Variants in ACOT7 observed in about 807,000 individuals in gnomAD.
ACOT7 encodes cytosolic acyl coenzyme A thioester hydrolase.
A neutral mutation model predicts 40.2 loss-of-function variants in ACOT7; 12 were observed. The ratio of observed to expected loss-of-function variants is 0.30; its 90% confidence interval spans 0.19 to 0.48. The LOEUF is 0.48. ACOT7 is among the 20% of genes least tolerant of loss of function. The pLI, the probability that ACOT7 is intolerant of heterozygous loss-of-function variation, is 0.99. For synonymous variants in ACOT7, 228 were observed against 219.5 expected, an observed-to-expected ratio of 1.04 and a Z score of -0.34; for missense variants, 395 against 530.8, an observed-to-expected ratio of 0.74 and a Z score of 2.51.
intron 6 of ACOT7, among the ~76,000 whole-genome samples, chr1:6,302,833 G>A (rs1055864960): frequency 4.0e-5 from 6 of 151,748 alleles, no homozygotes; most frequent in African/African-American, 1.5e-4. Flanking sequence ...AGAAAGCCAC[G>A]TGCCCATCGT....
At position 6,286,388 on chromosome 1, in the gene ACOT7, C is replaced by A. The variant is rs540609776; in HGVS notation, c.830-5102G>T. Among the ~76,000 whole-genome samples, 26 of 152,224 alleles carry A rather than the reference C, an allele frequency of 1.7e-4. 1 individual carries two copies. The highest frequency in any genetic ancestry group is 5.3e-4 in the African/African-American group (22 of 41,530). On this transcript the variant is annotated intron_variant, in intron 7 of 8. Transcript: ENST00000361521. ...CTGTAGCAGGTACAGCAGCCAGGGC[C>A]CTGATGAAGCCAGATATTCATGACA... is the stretch of plus-strand genomic sequence containing the variant.
chr1:6,366,041 C>T (rs1358686049), intron 1 of ACOT7, among the ~76,000 whole-genome samples: 7 of 151,626 alleles, frequency 4.6e-5, no homozygotes, highest in Non-Finnish European at 5.9e-5. Context: ...ATTACAGGCA[C>T]GCGTCACCAC....
At chr1:6,318,359 T>G in intron 6 of ACOT7, 133 bp downstream of exon 6, 2 of 993,718 alleles carry the variant, frequency 2.0e-6, no homozygotes, top group Non-Finnish European at 3.0e-6. Flanking sequence ...CCTGGCCTAT[T>G]GTACAACTTC....
At chr1:6,343,643 G>A (rs1465320448) in intron 2 of ACOT7, among the ~76,000 whole-genome samples, 3 of 152,290 alleles carry the variant, frequency 2.0e-5, no homozygotes, top group Non-Finnish European at 4.4e-5. Context: ...GGGCAGGGCT[G>A]CACAGAGCCA....
chr1:6,312,332 A>G (rs1348436813), intron 6 of ACOT7, among the ~76,000 whole-genome samples: 4 of 152,178 alleles, frequency 2.6e-5, no homozygotes, highest in Non-Finnish European at 5.9e-5. Context: ...CAAAATAACT[A>G]AAAGAGTGTA....
At chr1:6,368,513 C>T (rs1353573778) in intron 1 of ACOT7, among the ~76,000 whole-genome samples, 1 of 152,176 alleles carries the variant, frequency 6.6e-6, no homozygotes, top group Non-Finnish European at 1.5e-5. Flanking sequence ...CCCCTCTCTG[C>T]CCGCACCTCC....
At chr1:6,371,984 G>A (rs1642141427) in intron 1 of ACOT7, among the ~76,000 whole-genome samples, 1 of 151,776 alleles carries the variant, frequency 6.6e-6, no homozygotes, top group Non-Finnish European at 1.5e-5. Flanking sequence ...GGTGGAGGTT[G>A]CAGTGAGCCG....
intron 1 of ACOT7, among the ~76,000 whole-genome samples, chr1:6,354,344 G>C (rs1324117367): frequency 6.6e-6 from 1 of 152,116 alleles, no homozygotes; most frequent in Admixed American, 6.5e-5. Context: ...AGAGGTCCGA[G>C]AAGGCTACGA....
In ACOT7 at chr1:6,282,782, C is replaced by T; in HGVS notation, c.830-1496G>A. ...GAAGGAGCTGTGTGGTCAGCGCCAGCAGGCATTACGTGAGCTGTAAGGTAC... is the reference window on the plus strand; with the variant it reads ...GAAGGAGCTGTGTGGTCAGCGCCAGTAGGCATTACGTGAGCTGTAAGGTAC... On this transcript the variant is annotated intron_variant, in intron 7 of 8. Coordinates refer to ENST00000361521, the MANE Select transcript of ACOT7 (RefSeq NM_007274.4). This position sits in a 1 kb window ranked among gnomAD's most constrained non-coding sequence, Gnocchi z 4.5. The T allele has an allele frequency of 3.1e-6, 4 of 1,304,282 alleles. No individual in the cohort carries two copies. The highest frequency in any genetic ancestry group is 4.0e-6 in the Non-Finnish European group (4 of 988,966). 80.8% of individuals were successfully genotyped at this position (1,304,282 alleles called of 1,614,324 possible).
At position 6,285,533 on chromosome 1, in the gene ACOT7, T is replaced by G. The variant is rs554324260; in HGVS notation, c.830-4247A>C. On this transcript the variant is annotated intron_variant, in intron 7 of 8. Coordinates refer to ENST00000361521, the MANE Select transcript of ACOT7 (RefSeq NM_007274.4). The stretch of plus-strand genomic sequence containing the variant: ...CTAATTCCTCCATGGCGCAGCCATG[T>G]GCTGTCATTCCTCCCACTGGGTCAG... Among the ~76,000 whole-genome samples the G allele has an allele frequency of 1.1e-4, 16 of 152,358 alleles. No homozygotes were observed. The South Asian group carries it at 3.1e-3, about 30-fold the overall frequency.
At chr1:6,326,140 C>T (rs573320510) in intron 5 of ACOT7, among the ~76,000 whole-genome samples, 41 of 152,328 alleles carry the variant, frequency 2.7e-4, no homozygotes, top group Non-Finnish European at 4.9e-4. Flanking sequence ...GAATGTGCCA[C>T]GAGCCCAGGC....
Position 6,336,722 on chromosome 1 carries a change from G to T in ACOT7, c.418+2711C>A, listed in dbSNP as rs183780713. Among the ~76,000 whole-genome samples, 1,447 of 152,118 alleles carry T rather than the reference G, an allele frequency of 9.5e-3. 17 individuals carry two copies. The highest frequency in any genetic ancestry group is 0.013 in the Non-Finnish European group (899 of 67,992). On this transcript the variant is annotated intron_variant, in intron 3 of 8. Coordinates refer to ENST00000361521, the MANE Select transcript of ACOT7 (RefSeq NM_007274.4). The stretch of plus-strand genomic sequence containing the variant: ...ACCACCCATTCAGCCAGTGCTCCCC[G>T]TGTGCCCACAGTGTGCCAGGCACTG...
intron 6 of ACOT7, among the ~76,000 whole-genome samples, chr1:6,313,964 T>C (rs563006644): frequency 6.6e-6 from 1 of 152,270 alleles, no homozygotes; most frequent in South Asian, 2.1e-4. Flanking sequence ...TGAAGATCCA[T>C]GAATCCTGGC....
chr1:6,385,948 G>A (rs1311344240), intron 1 of ACOT7: 27 of 756,938 alleles, frequency 3.6e-5, no homozygotes, highest in Non-Finnish European at 4.9e-5. Flanking sequence ...AACAGGACAG[G>A]GCCACCACCC....
chr1:6,307,566 C>G (rs1277744900), intron 6 of ACOT7, among the ~76,000 whole-genome samples: 1 of 152,252 alleles, frequency 6.6e-6, no homozygotes, highest in Non-Finnish European at 1.5e-5. Context: ...ACACAGGCAG[C>G]CTTACAGTTG....
chr1:6,272,093 T>C (rs915429777), intron 8 of ACOT7, among the ~76,000 whole-genome samples: 1 of 152,234 alleles, frequency 6.6e-6, no homozygotes, highest in African/African-American at 2.4e-5. Flanking sequence ...CACTGTGGGC[T>C]AGGCCTGGGC....
rs114200864 is a variant in ACOT7 at position 6,274,241 on chromosome 1, G to A, written c.1014+6861C>T. ...TGAGAAGGCACGGAGAGGGAACTTG[G>A]GGTAACAGCCTGGCGACGGCTCAAG... is the stretch of plus-strand genomic sequence containing the variant. On this transcript the variant is annotated intron_variant, in intron 8 of 8. Coordinates refer to ENST00000361521, the MANE Select transcript of ACOT7 (RefSeq NM_007274.4). This position sits in a 1 kb window ranked among gnomAD's most constrained non-coding sequence, Gnocchi z 5.9. 0.018 allele frequency among the ~76,000 whole-genome samples: 2,758 copies of A among 152,324 alleles called. 32 individuals carry two copies. Among genetic ancestry groups the A allele is most frequent in the Non-Finnish European group, 0.026 (1,740 of 68,016 alleles).
chr1:6,268,690 G>A (rs573056150), intron 8 of ACOT7, among the ~76,000 whole-genome samples: 22 of 152,368 alleles, frequency 1.4e-4, no homozygotes, highest in South Asian at 1.2e-3. Context: ...CGGCCCGAAC[G>A]GCAGGGAGAT....
intron 1 of ACOT7, among the ~76,000 whole-genome samples, chr1:6,384,699 C>T (rs576329782): frequency 4.0e-5 from 6 of 151,788 alleles, no homozygotes; most frequent in Non-Finnish European, 7.4e-5. Flanking sequence ...AGACCAGCTC[C>T]CATCCTGAAG....
Sources: gnomAD v4.1 joint callset for allele counts (sites outside exome capture counted in the v4.1 genomes callset) on GRCh38, gnomAD v4.1.1 for gene constraint, Gnocchi (gnomAD v3.1) non-coding constraint, MANE v1.5 for transcripts, NCBI Gene and HGNC (gene_info 2026-07-23, HGNC 2026-07-21) for gene names.